The following SDK1 variants were observed in gnomAD, a reference collection of about 807,000 sequenced individuals.
SDK1 encodes the protein sidekick cell adhesion molecule 1, also known as protein sidekick-1.
Under a neutral mutation model 245.5 loss-of-function variants are expected in SDK1, and 157 were observed. The ratio of observed to expected loss-of-function variants is 0.64; its 90% CI spans 0.56 to 0.73. SDK1 has a LOEUF of 0.73. SDK1 is among the 30% of genes least tolerant of loss of function. The pLI is 0.00. For missense variants in SDK1, 3,583 were observed against 3,002.3 expected, an observed-to-expected ratio of 1.19 and a Z score of -4.52; for synonymous variants, 1,647 against 1,278.5, an observed-to-expected ratio of 1.29 and a Z score of -6.15.
chr7:3,457,964 G>C (rs1323630831), intron 1 of SDK1, among the ~76,000 whole-genome samples: 1 of 152,166 alleles, frequency 6.6e-6, no homozygotes, highest in Non-Finnish European at 1.5e-5. Flanking sequence ...ACTTGTCTAG[G>C]TAAAAAGTTC....
intron 1 of SDK1, among the ~76,000 whole-genome samples, chr7:3,381,281 G>C (rs1000669047): frequency 3.9e-5 from 6 of 152,104 alleles, no homozygotes; most frequent in Non-Finnish European, 5.9e-5. Context: ...GGTTAGGAGA[G>C]GGGGAAGGGC....
intron 22 of SDK1, among the ~76,000 whole-genome samples, chr7:4,110,346 C>G (rs568624048): frequency 1.3e-5 from 2 of 152,150 alleles, no homozygotes; most frequent in Non-Finnish European, 2.9e-5. Context: ...TATGGAAGGT[C>G]CCCTCCATCA....
At chr7:3,369,820 T>C (rs780099000) in intron 1 of SDK1, among the ~76,000 whole-genome samples, 1 of 152,226 alleles carries the variant, frequency 6.6e-6, no homozygotes, top group African/African-American at 2.4e-5. Flanking sequence ...TTTTCACTTA[T>C]TAAGAGTAAA....
intron 20 of SDK1, among the ~76,000 whole-genome samples, chr7:4,074,856 TTCTCTCTC>T (rs1159856321): frequency 1.4e-4 from 10 of 72,346 alleles, no homozygotes; most frequent in Non-Finnish European, 2.0e-4. Context: ...GAGCAAGACT[TTCTCTCTC>T]TCTCTCTCTC....
chr7:3,899,180 C>G (rs1000520349), intron 5 of SDK1, among the ~76,000 whole-genome samples: 1 of 152,194 alleles, frequency 6.6e-6, no homozygotes, highest in Non-Finnish European at 1.5e-5. Context: ...TTCACCCTCC[C>G]TGATCTGCTG....
intron 2 of SDK1, among the ~76,000 whole-genome samples, chr7:3,625,589 A>G (rs998291376): frequency 1.3e-5 from 2 of 152,194 alleles, no homozygotes; most frequent in Non-Finnish European, 2.9e-5. Flanking sequence ...CTGGAGCTCA[A>G]TCTTGTTTGC....
At chr7:3,783,742 G>A (rs559720919) in intron 4 of SDK1, among the ~76,000 whole-genome samples, 1 of 152,270 alleles carries the variant, frequency 6.6e-6, no homozygotes, top group South Asian at 2.1e-4. Flanking sequence ...TATGTTGATG[G>A]ATTGGAAGAA....
chr7:3,785,622 A>G (rs1780879053), intron 4 of SDK1, among the ~76,000 whole-genome samples: 1 of 152,230 alleles, frequency 6.6e-6, no homozygotes, highest in Non-Finnish European at 1.5e-5. Context: ...TAAATGCTTT[A>G]TAAGTAACTG....
rs543987194 is a variant in SDK1 at position 4,065,753 on chromosome 7, A to G, written c.2912-2085A>G. Among the ~76,000 whole-genome samples, 4 of 126,086 alleles carry G rather than the reference A, an allele frequency of 3.2e-5. No homozygotes were observed. In the South Asian group the frequency reaches 1.1e-3, roughly 34 times the overall value. The allele number at this position is 126,086 out of a possible 152,430, so 82.7% of individuals were successfully genotyped here. On this transcript the variant is annotated intron_variant, in intron 19 of 44. Coordinates refer to ENST00000404826, the MANE Select transcript of SDK1 (RefSeq NM_152744.4). ...TTGAGGCTGTTACCATTTTAAAAAA[A>G]TTACGACTTGTGTTAGAAGGCTTTG... is the stretch of plus-strand genomic sequence containing the variant.
intron 4 of SDK1, among the ~76,000 whole-genome samples, chr7:3,666,865 G>A (rs897640310): frequency 5.3e-5 from 8 of 152,220 alleles, no homozygotes; most frequent in African/African-American, 1.4e-4. Flanking sequence ...AATGCCTGAC[G>A]TTTCCCCTTG....
chr7:4,049,599 C>A (rs186140859), intron 18 of SDK1, 136 bp downstream of exon 18: 4 of 637,190 alleles, frequency 6.3e-6, no homozygotes, highest in Admixed American at 2.7e-5. Context: ...CTTGGTGAGA[C>A]CACCATTTAT....
At position 3,638,837 on chromosome 7, in the gene SDK1, A is replaced by G. The variant is rs566496440; in HGVS notation, c.459-167A>G. On this transcript the variant is annotated intron_variant, in intron 2 of 44. Coordinates refer to ENST00000404826, the MANE Select transcript of SDK1 (RefSeq NM_152744.4). ...ATAAATGGTGGTTCTAGTTAGTGTCATGGTTAGGGAAGGATTGCACAGATA... is the reference window on the plus strand; with the variant it reads ...ATAAATGGTGGTTCTAGTTAGTGTCGTGGTTAGGGAAGGATTGCACAGATA... Among the ~76,000 whole-genome samples, 3 of 151,882 alleles carry G rather than the reference A, an allele frequency of 2.0e-5. No homozygotes were observed. The South Asian group carries it at 6.2e-4, about 32-fold the overall frequency.
At chr7:4,148,344 C>T (rs546697565) in intron 29 of SDK1, among the ~76,000 whole-genome samples, 4 of 152,326 alleles carry the variant, frequency 2.6e-5, no homozygotes, top group South Asian at 2.1e-4. Flanking sequence ...TTCCTTCCGC[C>T]GCGGAACTTC....
At chr7:3,943,770 C>T (rs12536527) in intron 5 of SDK1, among the ~76,000 whole-genome samples, 28,284 of 152,004 alleles carry the variant, frequency 0.19, 2,906 homozygotes, top group Admixed American at 0.25. Context: ...TAATTAAATG[C>T]GACCTAGACA....
intron 4 of SDK1, among the ~76,000 whole-genome samples, chr7:3,685,509 A>G (rs1784254035): frequency 6.6e-6 from 1 of 152,212 alleles, no homozygotes; most frequent in Admixed American, 6.5e-5. Context: ...CGGACTTTAG[A>G]AAGAAAAGAA....
chr7:3,664,000 G>GC (rs1255856129), intron 4 of SDK1, among the ~76,000 whole-genome samples: 1 of 152,010 alleles, frequency 6.6e-6, no homozygotes, highest in Admixed American at 6.6e-5. Flanking sequence ...ATATTTCCGG[G>GC]CCCCTAACAT....
intron 1 of SDK1, among the ~76,000 whole-genome samples, chr7:3,349,032 C>T (rs781781684): frequency 2.6e-5 from 4 of 151,776 alleles, no homozygotes; most frequent in Non-Finnish European, 4.4e-5. Context: ...GACTGGTCTG[C>T]GCTTCTTTCT....
intron 1 of SDK1, among the ~76,000 whole-genome samples, chr7:3,599,430 A>G (rs1781182497): frequency 6.6e-6 from 1 of 152,132 alleles, no homozygotes; most frequent in Admixed American, 6.6e-5. Flanking sequence ...CTGTCTTCTC[A>G]TCTCTCCGTA....
intron 1 of SDK1, among the ~76,000 whole-genome samples, chr7:3,332,709 G>C (rs560120996): frequency 6.6e-6 from 1 of 152,238 alleles, no homozygotes; most frequent in Admixed American, 6.5e-5. Flanking sequence ...TGCTGTAGGG[G>C]ACAGTGATAC....
Sources: gnomAD v4.1 joint callset for allele counts (sites outside exome capture counted in the v4.1 genomes callset) on GRCh38, gnomAD v4.1.1 for gene constraint, MANE v1.5 for transcripts, NCBI Gene and HGNC (gene_info 2026-07-23, HGNC 2026-07-21) for gene names.